Variants in PAAF1 observed in about 807,000 individuals in gnomAD.
PAAF1 encodes proteasomal ATPase associated factor 1.
A neutral mutation model predicts 52.8 loss-of-function variants in PAAF1; 46 were observed. The observed-to-expected ratio is 0.87, with a 90% CI of 0.69 to 1.11. PAAF1 has a LOEUF of 1.11. Among genes scored for constraint, PAAF1 ranks in the 50% most tolerant of loss-of-function variants. PAAF1 has a pLI of 0.00. For synonymous variants in PAAF1, 178 were observed against 172.8 expected, an observed-to-expected ratio of 1.03 and a Z score of -0.24; for missense variants, 424 against 477.4, an observed-to-expected ratio of 0.89 and a Z score of 1.04.
intron 6 of PAAF1, among the ~76,000 whole-genome samples, chr11:73,906,443 G>A (rs994390070): frequency 4.6e-5 from 7 of 152,100 alleles, no homozygotes; most frequent in Admixed American, 1.3e-4. Flanking sequence ...GTAGAGACGG[G>A]TTTCGCTACG....
At chr11:73,884,169 G>A (rs1255278432) in intron 2 of PAAF1, among the ~76,000 whole-genome samples, 1 of 152,064 alleles carries the variant, frequency 6.6e-6, no homozygotes, top group African/African-American at 2.4e-5. Context: ...ATTATATAGA[G>A]AAAACCAAGG....
At position 73,902,237 on chromosome 11, in the gene PAAF1, A is replaced by G. The variant is rs540143230; in HGVS notation, c.532+1817A>G. On this transcript the variant is annotated intron_variant, in intron 6 of 11. Transcript: ENST00000310571. ...TGATGTTTTAGCAAACACACACATT[A>G]ACCTAAGTACATAAATGGTTTACTT... Among the ~76,000 whole-genome samples the G allele has an allele frequency of 1.7e-4, 26 of 152,346 alleles. No individual in the cohort carries two copies. In the South Asian group the frequency reaches 5.2e-3, roughly 30 times the overall value.
intron 2 of PAAF1, among the ~76,000 whole-genome samples, chr11:73,885,240 G>C (rs1425855780): frequency 6.6e-6 from 1 of 151,832 alleles, no homozygotes; most frequent in Admixed American, 6.6e-5. Context: ...CCAGGTTCAA[G>C]GTATTCTCCT....
rs574616095 is a variant in PAAF1, at chr11:73,891,266, G to A, written c.282+65G>A. ...TGTTAATTTTTCATTTTATTTGCTT[G>A]TCTAGTGCTATAAACATATTCATAA... On this transcript the variant is annotated intron_variant, in intron 4 of 11. Transcript: ENST00000310571. 211 of 896,086 alleles carry A rather than the reference G, an allele frequency of 2.4e-4. No homozygotes were observed. In the African/African-American group the frequency reaches 3.4e-3, roughly 14 times the overall value. 55.5% of individuals were successfully genotyped at this position (896,086 alleles called of 1,614,324 possible).
At position 73,927,305 on chromosome 11, in the gene PAAF1, G is replaced by C. The variant is rs1293392727; in HGVS notation, c.1122G>C (p.Gln374His). The change falls in exon 12 of 12, where the codon CAG (glutamine) becomes CAC (histidine). Residue 374 changes from glutamine to histidine, a missense_variant. Physicochemically the swap from Gln to His is conservative, Grantham distance 24. Transcript: ENST00000310571. Reference sequence around the variant, plus strand: ...TTTAGGTAGCCACATGGGAGAAGCAGATCTACACATGCTGTCGAGACGGTC... The same window carrying C: ...TTTAGGTAGCCACATGGGAGAAGCACATCTACACATGCTGTCGAGACGGTC... ...PVYKVATWEK[Q>H]IYTCCRDGLV... 6.2e-7 allele frequency: 1 copy of C among 1,614,124 alleles called. No homozygotes were observed. The highest frequency in any genetic ancestry group is 8.5e-7 in the Non-Finnish European group (1 of 1,179,970).
Position 73,916,317 on chromosome 11 carries a change from A to C in PAAF1, c.820-228A>C, listed in dbSNP as rs368836618. On this transcript the variant is annotated intron_variant, in intron 8 of 11. Coordinates refer to ENST00000310571, the MANE Select transcript of PAAF1 (RefSeq NM_025155.3). ...AGTTGGAAAACTGCTACTTCAGAGT[A>C]TATTATATAACCTGCTCAAGTCCTT... Among the ~76,000 whole-genome samples the C allele has an allele frequency of 2.0e-4, 30 of 152,102 alleles. 3 individuals carry two copies. Among genetic ancestry groups the C allele is most frequent in the Admixed American group, 1.2e-3 (19 of 15,268 alleles).
intron 2 of PAAF1, 117 bp downstream of exon 2, chr11:73,878,936 C>T: frequency 1.1e-6 from 1 of 915,106 alleles, no homozygotes; most frequent in Admixed American, 2.2e-5. Context: ...TGCAAACATG[C>T]TTGACCAGTC....
intron 11 of PAAF1, among the ~76,000 whole-genome samples, chr11:73,926,520 C>G (rs1179136846): frequency 6.6e-6 from 1 of 152,114 alleles, no homozygotes; most frequent in Non-Finnish European, 1.5e-5. Context: ...CCATCCTGGC[C>G]AACACGGTGA....
intron 9 of PAAF1, among the ~76,000 whole-genome samples, chr11:73,918,013 G>A (rs1950111191): frequency 6.6e-6 from 1 of 152,158 alleles, no homozygotes; most frequent in Admixed American, 6.6e-5. Flanking sequence ...GCACCAAAAA[G>A]GAGAGGGAAG....
At chr11:73,889,382 G>GTT (rs1202479542) in intron 3 of PAAF1, 3 of 521,012 alleles carry the variant, frequency 5.8e-6, no homozygotes, top group Non-Finnish European at 9.0e-6. Context: ...GCATAAAAAT[G>GTT]TTTGACTTAG....
rs1233702021 is a variant in PAAF1, at chr11:73,909,443, T to G, written c.577T>G (p.Ser193Ala). ...CGTTGATCGGGGGAGGAATGTGGTGTCTGCTTCTCGAGATGGGACAGCACG... is the reference window on the plus strand; with the variant it reads ...CGTTGATCGGGGGAGGAATGTGGTGGCTGCTTCTCGAGATGGGACAGCACG... Reference protein sequence around the residue: ...AIVDRGRNVVSASRDGTARLW... With the variant: ...AIVDRGRNVVAASRDGTARLW... Residue 193 changes from serine (S) to alanine (A), a missense_variant, in exon 7 of 12, where the codon TCT (serine) becomes GCT (alanine). Transcript: ENST00000310571. The G allele has an allele frequency of 1.9e-6, 3 of 1,614,096 alleles. No homozygotes were observed. Among genetic ancestry groups the G allele is most frequent in the Non-Finnish European group, 2.5e-6 (3 of 1,180,026 alleles).
chr11:73,924,620 G>C lies in PAAF1; in HGVS notation c.1024G>C (p.Gly342Arg), dbSNP rs1430733438. The stretch of plus-strand genomic sequence containing the variant: ...ATTTTCTTTCTGCCTTTCAGGTGAT[G>C]GAAGCTGTTTTATTGTCCAGCAAGA... ...RDGFIASQGDGSCFIVQQDLD... is the reference protein window; with the variant it reads ...RDGFIASQGDRSCFIVQQDLD... Residue 342 changes from glycine (G) to arginine (R), a missense_variant, in exon 11 of 12, where the codon GGA (glycine) becomes CGA (arginine). By Grantham distance (125) the Gly-to-Arg change is moderately radical. Coordinates refer to ENST00000310571, the MANE Select transcript of PAAF1 (RefSeq NM_025155.3). 5 of 1,613,502 alleles carry C rather than the reference G, an allele frequency of 3.1e-6. No individual in the cohort carries two copies. Among genetic ancestry groups the C allele is most frequent in the Middle Eastern group, 1.6e-4 (1 of 6,078 alleles).
Position 73,927,326 on chromosome 11 carries a change from C to A in PAAF1, c.1143C>A (p.Asp381Glu). The change falls in exon 12 of 12, where the codon GAC becomes GAA. Residue 381 changes from aspartate to glutamate, a missense_variant. Asp to Glu is a conservative substitution (Grantham distance 45, BLOSUM62 2). Transcript: ENST00000310571. ...WEKQIYTCCRDGLVRRYQLSD... is the reference protein window; with the variant it reads ...WEKQIYTCCREGLVRRYQLSD... ...AGCAGATCTACACATGCTGTCGAGA[C>A]GGTCTTGTACGACGCTACCAGCTTT... 6.2e-7 allele frequency: 1 copy of A among 1,614,128 alleles called. No individual in the cohort carries two copies. The highest frequency in any genetic ancestry group is 8.5e-7 in the Non-Finnish European group (1 of 1,180,010).
At chr11:73,891,774 AAAAATAAAT>A (rs1471606363) in intron 4 of PAAF1, among the ~76,000 whole-genome samples, 2 of 152,076 alleles carry the variant, frequency 1.3e-5, no homozygotes, top group African/African-American at 4.8e-5. Flanking sequence ...AAAAATAAAT[AAAAATAAAT>A]AAATTTGTAA....
chr11:73,916,555 T>G lies in PAAF1; in HGVS notation c.830T>G (p.Phe277Cys), dbSNP rs776848342. The G allele has an allele frequency of 1.2e-6, 2 of 1,612,260 alleles. No individual in the cohort carries two copies. The highest frequency in any genetic ancestry group is 2.2e-5 in the East Asian group (1 of 44,830). ...GLQSRQLVFL[F>C]IGSDAFNCCT... ...CCTACTTGTTCCCAGGTGTTCCTCT[T>G]TATTGGCTCAGACGCTTTCAACTGC... The change falls in exon 9 of 12, where the codon TTT (phenylalanine) becomes TGT (cysteine). Residue 277 changes from phenylalanine to cysteine, a missense_variant. Physicochemically the swap from Phe to Cys is radical, Grantham distance 205. Coordinates refer to ENST00000310571, the MANE Select transcript of PAAF1 (RefSeq NM_025155.3).
chr11:73,895,371 T>C (rs1949316798), intron 4 of PAAF1, among the ~76,000 whole-genome samples: 1 of 152,216 alleles, frequency 6.6e-6, no homozygotes, highest in Non-Finnish European at 1.5e-5. Flanking sequence ...GTTCACTGCC[T>C]ACCAGCAAGC....
intron 10 of PAAF1, among the ~76,000 whole-genome samples, chr11:73,921,435 A>G (rs190895511): frequency 1.4e-4 from 21 of 150,950 alleles, no homozygotes; most frequent in Admixed American, 3.3e-4. Context: ...ATTATTACTT[A>G]TTCTTACTAA....
At chr11:73,885,188 G>T (rs1949027524) in intron 2 of PAAF1, among the ~76,000 whole-genome samples, 1 of 151,798 alleles carries the variant, frequency 6.6e-6, no homozygotes, top group African/African-American at 2.4e-5. Context: ...ACCCAGGCTG[G>T]AGTGCAATGG....
intron 2 of PAAF1, among the ~76,000 whole-genome samples, chr11:73,883,713 G>C (rs991407622): frequency 6.6e-6 from 1 of 151,854 alleles, no homozygotes; most frequent in African/African-American, 2.4e-5. Flanking sequence ...GACGAACGAG[G>C]TTTCGACATG....
Sources: gnomAD v4.1 joint callset for allele counts (sites outside exome capture counted in the v4.1 genomes callset) on GRCh38, gnomAD v4.1.1 for gene constraint, MANE v1.5 for transcripts, NCBI Gene and HGNC (gene_info 2026-07-23, HGNC 2026-07-21) for gene names.